Variants in ZFP64 observed in about 807,000 individuals in gnomAD.
ZFP64 encodes ZFP64 zinc finger protein.
ZFP64 carries 14 observed loss-of-function variants against 51.6 expected under a neutral mutation model. The ratio of observed to expected loss-of-function variants is 0.27; its 90% CI spans 0.18 to 0.42. ZFP64 has a LOEUF of 0.42. Ranked by LOEUF, ZFP64 falls within the 10% of genes least tolerant of loss-of-function variation. The pLI, the probability that ZFP64 is intolerant of heterozygous loss-of-function variation, is 1.00. For synonymous variants in ZFP64, 375 were observed against 361.4 expected (o/e 1.04, Z -0.43); for missense variants, 754 against 906.8 (o/e 0.83, Z 2.16).
At chr20:52,095,128 T>G (rs542603412) in intron 7 of ZFP64, among the ~76,000 whole-genome samples, 1 of 152,342 alleles carries the variant, frequency 6.6e-6, no homozygotes, top group South Asian at 2.1e-4. Context: ...CACTTACAAC[T>G]GGGTCAGAGA....
In ZFP64 at chr20:52,152,541, G is replaced by A; in HGVS notation, c.1651C>T (p.Pro551Ser). Reference sequence around the variant, plus strand: ...CTCGGACACCGCGAGGACTGAGGGGGGGCGATCAGACTGACCTGGCGCAGG... The same window carrying A: ...CTCGGACACCGCGAGGACTGAGGGGAGGCGATCAGACTGACCTGGCGCAGG... Reference protein sequence around the residue: ...QILRQVSLIAPPQSSRCPSEA... With the variant: ...QILRQVSLIASPQSSRCPSEA... Residue 551 changes from proline to serine, a missense_variant, in exon 6 of 6, where the codon CCC (proline) becomes TCC (serine). Transcript: ENST00000216923. 6.3e-7 allele frequency: 1 copy of A among 1,585,898 alleles called. No individual in the cohort carries two copies. Among genetic ancestry groups the A allele is most frequent in the South Asian group, 1.2e-5 (1 of 86,482 alleles).
At position 52,191,522 on chromosome 20, in the gene ZFP64, T is replaced by G; in HGVS notation, c.46+69A>C. On this transcript the variant is annotated intron_variant, in intron 1 of 5. Transcript: ENST00000216923. The surrounding 1 kb of genome is among the most constrained non-coding windows in gnomAD (Gnocchi z 4.3). ...GGGCCTGCTGGCTGCGTCGCAGACG[T>G]GCTTGGGCCCGGGCCCCGGAGCGCG... 6.8e-7 allele frequency: 1 copy of G among 1,469,530 alleles called. No homozygotes were observed. The highest frequency in any genetic ancestry group is 2.9e-5 in the East Asian group (1 of 34,302). 91.0% of individuals were successfully genotyped at this position (1,469,530 alleles called of 1,614,324 possible).
chr20:52,118,424 GGCAGGGTGTGGCAGGCCTGGA>G (rs1375800761), intron 5 of ZFP64, among the ~76,000 whole-genome samples: 1 of 152,168 alleles, frequency 6.6e-6, no homozygotes, highest in Non-Finnish European at 1.5e-5. Flanking sequence ...CAGACTCCAG[GGCAGGGTGTGGCAGGCCTGGA>G]GTGGTCAGTG....
At chr20:52,144,594 A>AAAAAAAAAAAAAAAAAAAC (rs1980428473) in intron 5 of ZFP64, among the ~76,000 whole-genome samples, 1 of 148,828 alleles carries the variant, frequency 6.7e-6, no homozygotes, top group East Asian at 1.9e-4. Flanking sequence ...AAAAAAAAAA[A>AAAAAAAAAAAAAAAAAAAC]AAAAAAAATG....
In ZFP64 at chr20:52,086,995, A is replaced by G. The variant is rs149576352; in HGVS notation, c.1228+1397T>C. Among the ~76,000 whole-genome samples the G allele has an allele frequency of 6.9e-3, 1,050 of 152,210 alleles. 15 individuals carry two copies. The highest frequency in any genetic ancestry group is 0.047 in the South Asian group (228 of 4,822). ...CCACTAGCATGGTGGCTGGGAGTAA[A>G]ATCTTGAGTCCTTGCACATCATTCT... On this transcript the variant is annotated intron_variant, in intron 8 of 8. Coordinates refer to the ZFP64 transcript ENST00000361387.
intron 2 of ZFP64, among the ~76,000 whole-genome samples, chr20:52,178,278 A>G (rs1174938601): frequency 1.3e-5 from 2 of 152,160 alleles, no homozygotes; most frequent in Admixed American, 1.3e-4. Flanking sequence ...GATTAAGAGC[A>G]CAGGTTTTGC....
rs1367979537 is a variant in ZFP64 at position 52,153,819 on chromosome 20, G to C, written c.764-391C>G. On this transcript the variant is annotated intron_variant, in intron 5 of 5. Transcript: ENST00000216923. The surrounding 1 kb of genome is among the most constrained non-coding windows in gnomAD (Gnocchi z 5.1). ...TGCACAACCCGTTGATTTTGATTGA[G>C]TTACATGTTGTAACAGATTCAACAA... Among the ~76,000 whole-genome samples the C allele has an allele frequency of 6.6e-6, 1 of 152,182 alleles. No homozygotes were observed. The highest frequency in any genetic ancestry group is 1.9e-4 in the East Asian group (1 of 5,194).
At chr20:52,164,652 G>T in intron 4 of ZFP64, 43 bp downstream of exon 4, 1 of 1,537,232 alleles carries the variant, frequency 6.5e-7, no homozygotes, top group Non-Finnish European at 9.0e-7. Flanking sequence ...TCCTAGCACA[G>T]AGCAGGTGTT....
intron 5 of ZFP64, among the ~76,000 whole-genome samples, chr20:52,124,429 C>T (rs1352505066): frequency 6.6e-6 from 1 of 151,564 alleles, no homozygotes; most frequent in Non-Finnish European, 1.5e-5. Flanking sequence ...TTTTTTTTAC[C>T]CTGTGCATGT....
At chr20:52,132,918 A>G (rs1488123884) in intron 5 of ZFP64, among the ~76,000 whole-genome samples, 3 of 152,122 alleles carry the variant, frequency 2.0e-5, no homozygotes, top group Non-Finnish European at 4.4e-5. Context: ...AAAGAAAACT[A>G]CAGGTCAATA....
chr20:52,134,164 G>A (rs1217049736), intron 5 of ZFP64, among the ~76,000 whole-genome samples: 1 of 151,398 alleles, frequency 6.6e-6, no homozygotes, highest in African/African-American at 2.4e-5. Context: ...GCTCCCCAAG[G>A]CCCTTTTTAA....
intron 5 of ZFP64, among the ~76,000 whole-genome samples, chr20:52,099,577 C>A (rs1423915640): frequency 1.3e-5 from 2 of 152,212 alleles, no homozygotes; most frequent in Non-Finnish European, 2.9e-5. Flanking sequence ...TGCTCACTCA[C>A]TGCAAGTTTG....
At chr20:52,154,866 A>G (rs950833188) in intron 5 of ZFP64, among the ~76,000 whole-genome samples, 4 of 152,192 alleles carry the variant, frequency 2.6e-5, no homozygotes, top group African/African-American at 9.7e-5. Flanking sequence ...TGTGATAGAT[A>G]CTGCATGGCC....
intron 5 of ZFP64, among the ~76,000 whole-genome samples, chr20:52,131,299 G>A (rs1979713016): frequency 1.3e-5 from 2 of 151,622 alleles, no homozygotes. Context: ...AAGAAAGCAA[G>A]AAAAGAAGAA....
intron 5 of ZFP64, among the ~76,000 whole-genome samples, chr20:52,133,893 G>C (rs1033712400): frequency 3.3e-5 from 5 of 151,970 alleles, no homozygotes; most frequent in African/African-American, 1.2e-4. Context: ...GCTGGGCATG[G>C]TGGTGCATGC....
intron 1 of ZFP64, among the ~76,000 whole-genome samples, chr20:52,189,803 G>A (rs1187398657): frequency 1.3e-5 from 2 of 152,004 alleles, no homozygotes; most frequent in African/African-American, 4.8e-5. Flanking sequence ...TAAACATTGT[G>A]CTATATCATT....
At chr20:52,157,943 G>A (rs1238749193) in intron 5 of ZFP64, among the ~76,000 whole-genome samples, 1 of 152,092 alleles carries the variant, frequency 6.6e-6, no homozygotes, top group East Asian at 1.9e-4. Flanking sequence ...TCCTGTGTTA[G>A]TTTGCTAAGA....
downstream of ZFP64, among the ~76,000 whole-genome samples, chr20:52,149,376 G>A (rs1189693052): frequency 6.6e-6 from 1 of 151,814 alleles, no homozygotes; most frequent in Admixed American, 6.6e-5. Context: ...CAAGATGACG[G>A]ACTAAAGCCT....
intron 2 of ZFP64, among the ~76,000 whole-genome samples, chr20:52,169,324 T>C (rs150074224): frequency 2.0e-5 from 3 of 152,316 alleles, no homozygotes; most frequent in South Asian, 2.1e-4. Flanking sequence ...CTGTTTGCCT[T>C]GTAGTGGAGT....
Sources: gnomAD v4.1 joint callset for allele counts (sites outside exome capture counted in the v4.1 genomes callset) on GRCh38, gnomAD v4.1.1 for gene constraint, Gnocchi (gnomAD v3.1) non-coding constraint, MANE v1.5 for transcripts, NCBI Gene and HGNC (gene_info 2026-07-23, HGNC 2026-07-21) for gene names.